Variants in FAN1 observed in about 807,000 individuals in gnomAD.
FAN1 encodes the protein FANCD2 and FANCI associated nuclease 1, also known as fanconi-associated nuclease 1.
Under a neutral mutation model 104.9 loss-of-function variants are expected in FAN1, and 91 were observed. The observed-to-expected ratio is 0.87, with a 90% CI of 0.73 to 1.03. FAN1 has a LOEUF of 1.03. FAN1 is among the 50% of genes least tolerant of loss of function. The pLI is 0.00. For synonymous variants in FAN1, 478 were observed against 457.6 expected (o/e 1.04, Z -0.57); for missense variants, 1,263 against 1,239.9 (o/e 1.02, Z -0.28).
chr15:30,905,103 T>A lies in FAN1; in HGVS notation c.440T>A (p.Val147Glu). 6.2e-7 allele frequency: 1 copy of A among 1,614,070 alleles called. No homozygotes were observed. The highest frequency in any genetic ancestry group is 8.5e-7 in the Non-Finnish European group (1 of 1,180,008). The change falls in exon 2 of 15, where the codon GTG (valine) becomes GAG (glutamate). Residue 147 changes from valine (V) to glutamate (E), a missense_variant. Transcript: ENST00000362065. ...CAAGATGAGCTGAGAAATCGTAGTG[T>A]GAAAGTCATTTGTTTGGGAAGCCTA... ...KNQDELRNRS[V>E]KVICLGSLAS...
intron 3 of FAN1, among the ~76,000 whole-genome samples, chr15:30,908,917 CTTTATGATAG>C (rs2062039279): frequency 6.6e-6 from 1 of 152,232 alleles, no homozygotes; most frequent in African/African-American, 2.4e-5. Context: ...GAGTCCTCTT[CTTTATGATAG>C]AATAAAGCTG....
intron 3 of FAN1, among the ~76,000 whole-genome samples, chr15:30,908,974 C>T (rs1216969167): frequency 6.6e-6 from 1 of 152,222 alleles, no homozygotes; most frequent in Admixed American, 6.5e-5. Context: ...AAAACTTCAT[C>T]TGCCCCCCTT....
rs771643135 is a variant in FAN1 at position 30,930,549 on chromosome 15, G to C, written c.2794G>C (p.Val932Leu). Residue 932 changes from valine to leucine, a missense_variant, in exon 13 of 15, where the codon GTC becomes CTC. Coordinates refer to ENST00000362065, the MANE Select transcript of FAN1 (RefSeq NM_014967.5). ...FTSLQQAQDL[V>L]SCLGGPVLSG... is the part of the protein sequence containing the mutation. ...TCCTGTGTTTTGTGTTCAGGATCTT[G>C]TCTCCTGCCTGGGGGGCCCTGTGCT... The C allele has an allele frequency of 6.0e-5, 96 of 1,595,326 alleles. No homozygotes were observed. The highest frequency in any genetic ancestry group is 8.0e-5 in the Non-Finnish European group (94 of 1,174,830).
In FAN1 at chr15:30,941,589, A is replaced by G. The variant is rs1421879939; in HGVS notation, c.*27A>G. On this transcript the variant is annotated 3_prime_UTR_variant, in exon 15 of 15. Coordinates refer to ENST00000362065, the MANE Select transcript of FAN1 (RefSeq NM_014967.5). Reference sequence around the variant, plus strand: ...AGATTCCCTACAGGAGAAAATGGAAATGAGGAGGAGAGAAACTCCGGTGTC... The same window carrying G: ...AGATTCCCTACAGGAGAAAATGGAAGTGAGGAGGAGAGAAACTCCGGTGTC... 2 of 1,600,020 alleles carry G rather than the reference A, an allele frequency of 1.2e-6. No homozygotes were observed. The highest frequency in any genetic ancestry group is 3.5e-5 in the Admixed American group (2 of 57,112).
At chr15:30,929,744 TC>T (rs2062599575) in intron 12 of FAN1, among the ~76,000 whole-genome samples, 1 of 49,412 alleles carries the variant, frequency 2.0e-5, no homozygotes, top group Non-Finnish European at 3.5e-5. Context: ...ATATATTATA[TC>T]ATATATAATA....
chr15:30,916,061 A>G (rs2140917374), intron 5 of FAN1, among the ~76,000 whole-genome samples: 1 of 152,342 alleles, frequency 6.6e-6, no homozygotes, highest in Admixed American at 6.5e-5. Flanking sequence ...ATTTTACCTT[A>G]GCTGTCAGGA....
chr15:30,906,646 C>T (rs940938655), intron 2 of FAN1: 1 of 390,032 alleles, frequency 2.6e-6, no homozygotes, highest in Middle Eastern at 8.3e-4. Flanking sequence ...TGTGACTCCT[C>T]AGTAGATAAA....
chr15:30,934,162 A>G (rs1327112739), intron 13 of FAN1, among the ~76,000 whole-genome samples: 1 of 152,196 alleles, frequency 6.6e-6, no homozygotes, highest in African/African-American at 2.4e-5. Context: ...TTTTATCATT[A>G]TGCAGTGACC....
chr15:30,941,195 T>C (rs1595900874), intron 14 of FAN1: 3 of 1,354,188 alleles, frequency 2.2e-6, no homozygotes, highest in East Asian at 4.3e-5. Context: ...GAAAAATGGA[T>C]GGAGACAAAA....
intron 7 of FAN1, among the ~76,000 whole-genome samples, chr15:30,921,844 C>T (rs1309930487): frequency 6.6e-6 from 1 of 152,206 alleles, no homozygotes; most frequent in Non-Finnish European, 1.5e-5. Flanking sequence ...CCCCAAATCC[C>T]TCTTGCAGTT....
chr15:30,911,438 T>C, intron 4 of FAN1: 1 of 982,896 alleles, frequency 1.0e-6, no homozygotes, highest in Non-Finnish European at 1.2e-6. Context: ...TGTTATTTAT[T>C]TTATATATTT....
chr15:30,934,024 A>G (rs979609993), intron 13 of FAN1, among the ~76,000 whole-genome samples: 2 of 152,112 alleles, frequency 1.3e-5, no homozygotes, highest in Non-Finnish European at 1.5e-5. Flanking sequence ...TGCTGAGAGT[A>G]TACCGTGCCC....
At position 30,905,329 on chromosome 15, in the gene FAN1, G is replaced by A. The variant is rs376528017; in HGVS notation, c.666G>A (p.Lys222=). ...KENVFKCDSL[K]EECIPEHMVR... The stretch of plus-strand genomic sequence containing the variant: ...ACGTGTTTAAATGTGATTCTCTAAA[G>A]GAAGAGTGCATTCCTGAACATATGG... The change falls in exon 2 of 15, where the codon AAG becomes AAA. Residue 222 remains lysine (K), a synonymous_variant. Coordinates refer to ENST00000362065, the MANE Select transcript of FAN1 (RefSeq NM_014967.5). 1.3e-4 allele frequency: 202 copies of A among 1,613,772 alleles called. No individual in the cohort carries two copies. Among genetic ancestry groups the A allele is most frequent in the Non-Finnish European group, 1.7e-4 (198 of 1,179,902 alleles).
At chr15:30,923,138 G>A (rs910770471) in intron 8 of FAN1, among the ~76,000 whole-genome samples, 5 of 152,198 alleles carry the variant, frequency 3.3e-5, no homozygotes, top group African/African-American at 4.8e-5. Flanking sequence ...GGAAAAAAAC[G>A]ACCACTGGTT....
chr15:30,908,265 C>G lies in FAN1; in HGVS notation c.1375+7C>G. 1.9e-6 allele frequency: 3 copies of G among 1,583,412 alleles called. No homozygotes were observed. The highest frequency in any genetic ancestry group is 2.6e-6 in the Non-Finnish European group (3 of 1,167,410). ...GCAGGCTTTCTACAGACAGGTATGA[C>G]TAGTAGAAGGAGATGTGAAATGAAA... On this transcript the variant is annotated splice_region_variant and intron_variant, in intron 3 of 14. Transcript: ENST00000362065.
At chr15:30,917,989 C>G (rs1023454207) in intron 5 of FAN1, among the ~76,000 whole-genome samples, 175 bp from the exon 6 acceptor site, 12 of 152,174 alleles carry the variant, frequency 7.9e-5, no homozygotes, top group African/African-American at 2.9e-4. Flanking sequence ...CTTATCAGTT[C>G]TGGGCCACTC....
intron 13 of FAN1, among the ~76,000 whole-genome samples, chr15:30,935,101 T>C (rs1487508021): frequency 6.6e-6 from 1 of 151,578 alleles, no homozygotes; most frequent in Admixed American, 6.6e-5. Flanking sequence ...GGCTCAGGAG[T>C]TGGAGACCAG....
intron 13 of FAN1, among the ~76,000 whole-genome samples, chr15:30,936,687 A>C (rs922307111): frequency 6.6e-6 from 1 of 152,224 alleles, no homozygotes; most frequent in African/African-American, 2.4e-5. Context: ...TAACATATTT[A>C]TCCCACCAAA....
chr15:30,926,981 C>T (rs2062478882), intron 10 of FAN1: 1 of 985,256 alleles, frequency 1.0e-6, no homozygotes, highest in African/African-American at 1.7e-5. Context: ...AAAATGATTT[C>T]ACTTATAACA....
Sources: gnomAD v4.1 joint callset for allele counts (sites outside exome capture counted in the v4.1 genomes callset) on GRCh38, gnomAD v4.1.1 for gene constraint, MANE v1.5 for transcripts, NCBI Gene and HGNC (gene_info 2026-07-23, HGNC 2026-07-21) for gene names.